NHEJ1: variants seen among roughly 807,000 people sequenced by gnomAD.
The protein encoded by NHEJ1 is non-homologous end joining factor 1.
NHEJ1 carries 22 observed loss-of-function variants against 39.4 expected under a neutral mutation model. The ratio of observed to expected loss-of-function variants is 0.56; its 90% confidence interval spans 0.40 to 0.80. The LOEUF (loss-of-function observed/expected upper bound fraction) is 0.80, where lower values mean the gene tolerates loss of function less well. Ranked by LOEUF, NHEJ1 falls within the 30% of genes least tolerant of loss-of-function variation. The pLI is 0.00. For missense variants in NHEJ1, 329 were observed against 357.1 expected (o/e 0.92, Z 0.63); for synonymous variants, 154 against 135.6 (o/e 1.14, Z -0.94).
chr2:219,123,789 AAC>A (rs1248154222), intron 5 of NHEJ1, among the ~76,000 whole-genome samples: 1 of 152,140 alleles, frequency 6.6e-6, no homozygotes, highest in East Asian at 1.9e-4. Flanking sequence ...ACTCAAGAGG[AAC>A]AGAGAGGCCT....
intron 1 of NHEJ1, among the ~76,000 whole-genome samples, chr2:219,159,612 C>A (rs1022541748): frequency 9.3e-6 from 1 of 107,418 alleles, no homozygotes; most frequent in African/African-American, 3.7e-5. Flanking sequence ...CATATATATA[C>A]ATATACGTGG....
chr2:219,141,610 G>A (rs1949692763), intron 5 of NHEJ1, among the ~76,000 whole-genome samples: 1 of 152,138 alleles, frequency 6.6e-6, no homozygotes, highest in African/African-American at 2.4e-5. Flanking sequence ...AATAGTCTGG[G>A]GGAGTAGATA....
chr2:219,085,947 A>G (rs11692192), intron 5 of NHEJ1, among the ~76,000 whole-genome samples: 79,817 of 152,002 alleles, frequency 0.53, 23,690 homozygotes, highest in Non-Finnish European at 0.67. Flanking sequence ...GGTCCTACAT[A>G]TACTATTCAG....
Position 219,072,300 on chromosome 2 carries a change from C to T in NHEJ1, c.*4081G>A, listed in dbSNP as rs1470574163. 6.6e-6 allele frequency among the ~76,000 whole-genome samples: 1 copy of T among 152,178 alleles called. No homozygotes were observed. Among genetic ancestry groups the T allele is most frequent in the Non-Finnish European group, 1.5e-5 (1 of 68,034 alleles). On this transcript the variant is annotated 3_prime_UTR_variant, in exon 8 of 8. Transcript: ENST00000356853. ...TCCTATAAAGTATGGGCTTCCTTCT[C>T]TTCCTGCATTCCCCTCTGTATCTAA...
chr2:219,158,102 T>G (rs1428092831), intron 2 of NHEJ1, 84 bp downstream of exon 2: 25 of 1,436,356 alleles, frequency 1.7e-5, no homozygotes, highest in Middle Eastern at 2.1e-4. Flanking sequence ...CTCAACCCGA[T>G]TCAACCTTCC....
At chr2:219,114,838 T>C (rs1292947444) in intron 5 of NHEJ1, among the ~76,000 whole-genome samples, 1 of 152,116 alleles carries the variant, frequency 6.6e-6, no homozygotes, top group Non-Finnish European at 1.5e-5. Context: ...CTGAAGTCCC[T>C]AGAGAGGCAA....
chr2:219,107,106 A>G (rs986259074), intron 5 of NHEJ1, among the ~76,000 whole-genome samples: 2 of 152,196 alleles, frequency 1.3e-5, no homozygotes, highest in Non-Finnish European at 2.9e-5. Context: ...GAAGAGAAAA[A>G]AGGTAAGTAT....
In NHEJ1 at chr2:219,147,660, G is replaced by C. The variant is rs1304446470; in HGVS notation, c.526C>G (p.Arg176Gly). Residue 176 changes from arginine (R) to glycine (G), a missense_variant, in exon 4 of 8, where the codon CGA (arginine) becomes GGA (glycine). Arg to Gly is a moderately radical substitution (Grantham distance 125). Coordinates refer to ENST00000356853, the MANE Select transcript of NHEJ1 (RefSeq NM_024782.3). ...TCCTCCAAGAATGTCCTCTTACCTC[G>C]AATCAGCGTAGCCCCACTCTCCTGG... is the stretch of plus-strand genomic sequence containing the variant. ...DYQESGATLIRDRLKTEPFEE... is the reference protein window; with the variant it reads ...DYQESGATLIGDRLKTEPFEE... 2 of 1,614,060 alleles carry C rather than the reference G, an allele frequency of 1.2e-6. No individual in the cohort carries two copies. Among genetic ancestry groups the C allele is most frequent in the South Asian group, 1.1e-5 (1 of 91,070 alleles).
At chr2:219,155,234 C>T (rs1949841830) in intron 3 of NHEJ1, among the ~76,000 whole-genome samples, 1 of 151,330 alleles carries the variant, frequency 6.6e-6, no homozygotes, top group Admixed American at 6.6e-5. Flanking sequence ...GGAAACACTG[C>T]CCCCTGGTGT....
chr2:219,145,650 T>C (rs530506702), intron 5 of NHEJ1, among the ~76,000 whole-genome samples: 9 of 152,192 alleles, frequency 5.9e-5, no homozygotes, highest in Admixed American at 1.3e-4. Flanking sequence ...AATGGGGCAA[T>C]AGGCCGGGCG....
At chr2:219,124,683 T>C (rs1048291386) in intron 5 of NHEJ1, 3 of 151,702 alleles carry the variant, frequency 2.0e-5, no homozygotes, top group African/African-American at 7.3e-5. Flanking sequence ...AGACACATCC[T>C]AGATAAAAAC....
intron 5 of NHEJ1, among the ~76,000 whole-genome samples, chr2:219,141,742 T>C (rs1274666991): frequency 6.6e-6 from 1 of 152,086 alleles, no homozygotes; most frequent in Non-Finnish European, 1.5e-5. Context: ...TTCAGCGATG[T>C]ACCAACAATA....
intron 3 of NHEJ1, among the ~76,000 whole-genome samples, chr2:219,150,165 T>C (rs1391270371): frequency 6.6e-6 from 1 of 152,244 alleles, no homozygotes; most frequent in Non-Finnish European, 1.5e-5. Flanking sequence ...CTAATTGTGC[T>C]TTGGCTCAAA....
rs1949370175 is a variant in NHEJ1 at position 219,111,963 on chromosome 2, C to T, written c.589-33757G>A. On this transcript the variant is annotated intron_variant, in intron 5 of 7. Coordinates refer to ENST00000356853, the MANE Select transcript of NHEJ1 (RefSeq NM_024782.3). This position sits in a 1 kb window ranked among gnomAD's most constrained non-coding sequence, Gnocchi z 4.1. ...TTAAACACTCTCTTAAATGTAGTTA[C>T]TACTGGTAGGTCAAAGTTCCCAAAA... 6.6e-6 allele frequency among the ~76,000 whole-genome samples: 1 copy of T among 152,080 alleles called. No individual in the cohort carries two copies. The highest frequency in any genetic ancestry group is 1.5e-5 in the Non-Finnish European group (1 of 68,026).
At position 219,077,359 on chromosome 2, in the gene NHEJ1, G is replaced by T; in HGVS notation, c.712C>A (p.Pro238Thr). 6.2e-7 allele frequency: 1 copy of T among 1,610,452 alleles called. No homozygotes were observed. Among genetic ancestry groups the T allele is most frequent in the Non-Finnish European group, 8.5e-7 (1 of 1,176,688 alleles). The part of the protein sequence containing the change: ...VGQKHQGAGD[P>T]HTSNSASLQG... ...AGGGAAGCACTGTTTGAGGTATGAG[G>T]ATCTCCTGAAATCAGAAAGATCAAG... Residue 238 changes from proline to threonine, a missense_variant, in exon 7 of 8, where the codon CCT (proline) becomes ACT (threonine). Physicochemically the swap from Pro to Thr is conservative, Grantham distance 38. Coordinates refer to ENST00000356853, the MANE Select transcript of NHEJ1 (RefSeq NM_024782.3).
At chr2:219,136,822 C>T (rs758409635) in intron 5 of NHEJ1, among the ~76,000 whole-genome samples, 4 of 152,108 alleles carry the variant, frequency 2.6e-5, no homozygotes, top group Non-Finnish European at 5.9e-5. Context: ...AGGCTGATCT[C>T]AAACTCCCGA....
chr2:219,103,266 T>A (rs1388004044), intron 5 of NHEJ1, among the ~76,000 whole-genome samples: 1 of 151,902 alleles, frequency 6.6e-6, no homozygotes, highest in African/African-American at 2.4e-5. Flanking sequence ...TATTTATTTT[T>A]AACTTTTTTA....
intron 5 of NHEJ1, among the ~76,000 whole-genome samples, chr2:219,106,225 G>A (rs1000610789): frequency 2.6e-5 from 4 of 152,138 alleles, no homozygotes; most frequent in Non-Finnish European, 5.9e-5. Context: ...TGGCTCCTGC[G>A]CCCAATGTCA....
At chr2:219,144,646 A>G (rs1314190848) in intron 5 of NHEJ1, among the ~76,000 whole-genome samples, 2 of 152,178 alleles carry the variant, frequency 1.3e-5, no homozygotes, top group African/African-American at 4.8e-5. Flanking sequence ...AAGTCATTCC[A>G]TATAGCTAAG....
Sources: gnomAD v4.1 joint callset for allele counts (sites outside exome capture counted in the v4.1 genomes callset) on GRCh38, gnomAD v4.1.1 for gene constraint, Gnocchi (gnomAD v3.1) non-coding constraint, MANE v1.5 for transcripts, NCBI Gene and HGNC (gene_info 2026-07-23, HGNC 2026-07-21) for gene names.